TPRG1: variants seen among roughly 807,000 people sequenced by gnomAD.
The protein encoded by TPRG1 is tumor protein p63 regulated 1.
Under a neutral mutation model 29.3 loss-of-function variants are expected in TPRG1, and 29 were observed. The observed-to-expected ratio is 0.99, with a 90% CI of 0.74 to 1.35. The LOEUF (loss-of-function observed/expected upper bound fraction) is 1.35. Ranked by LOEUF, TPRG1 falls within the 40% of genes most tolerant of loss-of-function variation. The pLI is 0.00. For missense variants in TPRG1, 327 were observed against 335.0 expected, an observed-to-expected ratio of 0.98 and a Z score of 0.19; for synonymous variants, 130 against 116.8, an observed-to-expected ratio of 1.11 and a Z score of -0.73.
intron 3 of TPRG1, among the ~76,000 whole-genome samples, chr3:189,142,230 A>T (rs1724669935): frequency 6.6e-6 from 1 of 152,100 alleles, no homozygotes; most frequent in South Asian, 2.1e-4. Flanking sequence ...TGGTGGTGAG[A>T]TGTTCAGGGA....
chr3:189,090,424 AT>A (rs1356425206), intron 4 of TPRG1, among the ~76,000 whole-genome samples: 1 of 152,098 alleles, frequency 6.6e-6, no homozygotes, highest in Non-Finnish European at 1.5e-5. Context: ...AGTGGAAAAA[AT>A]ATATATTGTT....
intron 5 of TPRG1, among the ~76,000 whole-genome samples, chr3:189,316,847 G>A (rs939464334): frequency 7.2e-5 from 11 of 152,152 alleles, no homozygotes; most frequent in African/African-American, 1.7e-4. Flanking sequence ...ATGACACAGC[G>A]TTCCTGTCAC....
At chr3:189,174,228 T>C (rs1287750219) in intron 1 of TPRG1, among the ~76,000 whole-genome samples, 1 of 152,228 alleles carries the variant, frequency 6.6e-6, no homozygotes. Context: ...AGCATGCAGA[T>C]GTGCTTTGTT....
chr3:189,316,132 T>C (rs1723485477), intron 5 of TPRG1, among the ~76,000 whole-genome samples: 1 of 152,212 alleles, frequency 6.6e-6, no homozygotes, highest in Non-Finnish European at 1.5e-5. Context: ...TATGTGCATA[T>C]GTTCAGAGAG....
At chr3:189,274,513 T>G (rs920809887) in intron 4 of TPRG1, among the ~76,000 whole-genome samples, 4 of 152,074 alleles carry the variant, frequency 2.6e-5, no homozygotes, top group Admixed American at 1.3e-4. Flanking sequence ...CTTCCCTGAT[T>G]TTTGGGATTT....
At chr3:189,295,242 G>T (rs73055999) in intron 4 of TPRG1, among the ~76,000 whole-genome samples, 4 of 152,090 alleles carry the variant, frequency 2.6e-5, no homozygotes, top group Admixed American at 2.6e-4. Context: ...CTTAGAACCC[G>T]TATCTTTCCT....
In TPRG1 at chr3:189,113,433, C is replaced by G. The variant is rs112119520; in HGVS notation, c.-744+13229C>G. Among the ~76,000 whole-genome samples, 22 of 151,998 alleles carry G rather than the reference C, an allele frequency of 1.4e-4. No homozygotes were observed. In the South Asian group the frequency reaches 1.9e-3, roughly 13 times the overall value. ...ACTATGTTGAATAGGAGTGGTGAGA[C>G]AGGGCATCCCTGTCTTGTGCCAGTT... On this transcript the variant is annotated intron_variant, in intron 1 of 6. Coordinates refer to the TPRG1 transcript ENST00000412373.
intron 4 of TPRG1, among the ~76,000 whole-genome samples, chr3:189,305,551 C>A (rs1052750600): frequency 6.6e-6 from 1 of 152,098 alleles, no homozygotes; most frequent in South Asian, 2.1e-4. Context: ...GTGTAGAAAG[C>A]AAAACTTCTA....
chr3:189,263,069 C>T (rs1713416857), intron 4 of TPRG1, among the ~76,000 whole-genome samples: 1 of 152,232 alleles, frequency 6.6e-6, no homozygotes, highest in South Asian at 2.1e-4. Context: ...CTGCCACATT[C>T]TGTGTCATAG....
chr3:189,105,728 T>G (rs948522127), intron 1 of TPRG1, among the ~76,000 whole-genome samples: 6 of 152,174 alleles, frequency 3.9e-5, no homozygotes, highest in African/African-American at 1.2e-4. Flanking sequence ...CTGATTTTCT[T>G]TGAAGCCTAC....
chr3:189,048,017 C>T (rs1715083480), intron 4 of TPRG1, among the ~76,000 whole-genome samples: 1 of 152,168 alleles, frequency 6.6e-6, no homozygotes, highest in Admixed American at 6.5e-5. Context: ...CATGAATGTT[C>T]TTAATGACAT....
At chr3:189,017,178 G>A (rs1712984385) in intron 3 of TPRG1, among the ~76,000 whole-genome samples, 1 of 147,998 alleles carries the variant, frequency 6.8e-6, no homozygotes, top group Admixed American at 6.8e-5. Flanking sequence ...TCTTATTTCA[G>A]AAAGACAGTC....
At chr3:189,085,845 C>A (rs996038782) in intron 4 of TPRG1, among the ~76,000 whole-genome samples, 2 of 152,126 alleles carry the variant, frequency 1.3e-5, no homozygotes, top group African/African-American at 2.4e-5. Flanking sequence ...GTATTTCATT[C>A]ATTTTGCTTT....
chr3:189,014,370 A>G (rs1261031926), intron 3 of TPRG1, among the ~76,000 whole-genome samples: 2 of 152,114 alleles, frequency 1.3e-5, no homozygotes, highest in African/African-American at 4.8e-5. Flanking sequence ...TTTCCACTGA[A>G]AGGCCTACTG....
intron 4 of TPRG1, among the ~76,000 whole-genome samples, chr3:189,250,509 C>G (rs111772998): frequency 5.5e-5 from 4 of 72,252 alleles, no homozygotes; most frequent in Non-Finnish European, 7.7e-5. Context: ...TTTCCGCCCC[C>G]CCCCCCCCAC....
At chr3:189,076,531 G>GT (rs535033927) in intron 4 of TPRG1, among the ~76,000 whole-genome samples, 139 of 144,924 alleles carry the variant, frequency 9.6e-4, no homozygotes, top group Middle Eastern at 3.6e-3. Flanking sequence ...CACTGAGACT[G>GT]TTTTTTTTTT....
Position 189,161,273 on chromosome 3 carries a change from A to G in TPRG1, c.-10+10401A>G, listed in dbSNP as rs569796725. ...AGGCCTCTCTCATTTTTCTTTTGCTATAGAAGCAGTACATCATGGAAAGGA... is the reference window on the plus strand; with the variant it reads ...AGGCCTCTCTCATTTTTCTTTTGCTGTAGAAGCAGTACATCATGGAAAGGA... On this transcript the variant is annotated intron_variant, in intron 5 of 6. Transcript: ENST00000412373. Among the ~76,000 whole-genome samples the G allele has an allele frequency of 3.9e-5, 6 of 152,212 alleles. 1 individual carries two copies. The highest frequency in any genetic ancestry group is 3.9e-4 in the Admixed American group (6 of 15,280).
chr3:189,207,699 A>G (rs185135409), intron 2 of TPRG1, 105 bp downstream of exon 2: 1 of 1,065,326 alleles, frequency 9.4e-7, no homozygotes, highest in Non-Finnish European at 1.4e-6. Flanking sequence ...CATTTGTCTC[A>G]TGTAATCGTC....
chr3:189,148,429 G>C (rs1203151407), intron 4 of TPRG1, among the ~76,000 whole-genome samples: 1 of 152,192 alleles, frequency 6.6e-6, no homozygotes, highest in African/African-American at 2.4e-5. Flanking sequence ...TCAAAGCAGA[G>C]GACCTCTCTC....
Sources: gnomAD v4.1 joint callset for allele counts (sites outside exome capture counted in the v4.1 genomes callset) on GRCh38, gnomAD v4.1.1 for gene constraint, MANE v1.5 for transcripts, NCBI Gene and HGNC (gene_info 2026-07-23, HGNC 2026-07-21) for gene names.